The following DTNB variants were observed in gnomAD, a reference collection of about 807,000 sequenced individuals.
DTNB encodes dystrobrevin beta.
Under a neutral mutation model 90.7 loss-of-function variants are expected in DTNB, and 63 were observed. That is an observed-to-expected ratio of 0.69 (90% CI 0.57 to 0.86). The LOEUF (loss-of-function observed/expected upper bound fraction) is 0.86. DTNB is among the 40% of genes least tolerant of loss of function. The pLI, the probability that DTNB is intolerant of heterozygous loss-of-function variation, is 0.00. For synonymous variants in DTNB, 277 were observed against 286.7 expected, an observed-to-expected ratio of 0.97 and a Z score of 0.34; for missense variants, 744 against 807.1, an observed-to-expected ratio of 0.92 and a Z score of 0.95.
At chr2:25,660,565 G>A (rs967463840) in intron 1 of DTNB, among the ~76,000 whole-genome samples, 1 of 152,116 alleles carries the variant, frequency 6.6e-6, no homozygotes, top group Non-Finnish European at 1.5e-5. Flanking sequence ...ACTGTAGGTT[G>A]AATTATATGG....
intron 8 of DTNB, among the ~76,000 whole-genome samples, chr2:25,564,630 C>G (rs2058747155): frequency 6.6e-6 from 1 of 152,056 alleles, no homozygotes; most frequent in Non-Finnish European, 1.5e-5. Context: ...TCAAGTGACC[C>G]ACCCACCTGA....
chr2:25,624,052 C>T (rs1376335645), intron 4 of DTNB, among the ~76,000 whole-genome samples: 1 of 152,136 alleles, frequency 6.6e-6, no homozygotes, highest in African/African-American at 2.4e-5. Context: ...ACAGTCTATT[C>T]TCTCTAGAGC....
At chr2:25,443,368 T>A (rs573883587) in intron 12 of DTNB, among the ~76,000 whole-genome samples, 2 of 152,296 alleles carry the variant, frequency 1.3e-5, no homozygotes, top group African/African-American at 4.8e-5. Context: ...ATCATCTTAA[T>A]GAGAGGAGAC....
chr2:25,379,091 AGACAG>A (rs1356647846), intron 20 of DTNB, among the ~76,000 whole-genome samples, 194 bp downstream of exon 20: 1 of 152,198 alleles, frequency 6.6e-6, no homozygotes, highest in Non-Finnish European at 1.5e-5. Flanking sequence ...GTGCTGTGCA[AGACAG>A]GACACAGCCT....
intron 9 of DTNB, among the ~76,000 whole-genome samples, chr2:25,510,729 A>C (rs2073762543): frequency 6.6e-6 from 1 of 152,110 alleles, no homozygotes; most frequent in African/African-American, 2.4e-5. Context: ...GCTGGTCTCG[A>C]ACTCCTGACC....
chr2:25,481,364 C>T (rs964085335), intron 10 of DTNB, among the ~76,000 whole-genome samples: 1 of 150,614 alleles, frequency 6.6e-6, no homozygotes, highest in Admixed American at 6.6e-5. Context: ...AAGATTGGGC[C>T]ACTGCACTCC....
At chr2:25,485,793 T>C (rs1004118357) in intron 9 of DTNB, among the ~76,000 whole-genome samples, 1 of 151,794 alleles carries the variant, frequency 6.6e-6, no homozygotes, top group Non-Finnish European at 1.5e-5. Context: ...CTGGGGAACG[T>C]AGTGAGACCC....
chr2:25,531,863 C>T (rs1157199225), intron 8 of DTNB, among the ~76,000 whole-genome samples: 1 of 152,160 alleles, frequency 6.6e-6, no homozygotes. Flanking sequence ...CTGGACATCT[C>T]TATGTACTCT....
intron 19 of DTNB, 191 bp downstream of exon 19, chr2:25,383,644 GT>G: frequency 8.3e-7 from 1 of 1,208,586 alleles, no homozygotes; most frequent in Non-Finnish European, 1.1e-6. Flanking sequence ...GAAGCTCTTG[GT>G]GATCGACTGA....
chr2:25,377,941 CTTAGTT>C (rs1407388959), intron 20 of DTNB, among the ~76,000 whole-genome samples: 4 of 152,212 alleles, frequency 2.6e-5, no homozygotes, highest in Admixed American at 6.5e-5. Flanking sequence ...GTTTTATACT[CTTAGTT>C]TAACTCTCGG....
intron 1 of DTNB, among the ~76,000 whole-genome samples, chr2:25,672,562 C>T (rs1430861972): frequency 1.3e-5 from 2 of 152,140 alleles, no homozygotes; most frequent in African/African-American, 4.8e-5. Context: ...TTCTTTTGAC[C>T]TTTCTGCTTT....
At chr2:25,659,743 T>C (rs1041050530) in intron 1 of DTNB, among the ~76,000 whole-genome samples, 2 of 151,844 alleles carry the variant, frequency 1.3e-5, no homozygotes, top group Admixed American at 1.3e-4. Flanking sequence ...ACTAAAGAGA[T>C]TGAATTTGTA....
chr2:25,528,262 A>G (rs1331101900), intron 9 of DTNB, among the ~76,000 whole-genome samples: 1 of 152,222 alleles, frequency 6.6e-6, no homozygotes, highest in Non-Finnish European at 1.5e-5. Context: ...ATAAAAGGGA[A>G]CCTCTTAAAC....
intron 9 of DTNB, among the ~76,000 whole-genome samples, chr2:25,527,658 A>G (rs1246681389): frequency 6.6e-6 from 1 of 152,216 alleles, no homozygotes; most frequent in Non-Finnish European, 1.5e-5. Flanking sequence ...AATTGAGAGA[A>G]AATTAATAAA....
intron 12 of DTNB, among the ~76,000 whole-genome samples, chr2:25,447,815 T>C (rs2058653763): frequency 6.6e-6 from 1 of 152,084 alleles, no homozygotes; most frequent in South Asian, 2.1e-4. Context: ...GGCCTAGTTA[T>C]CTTTTATACA....
rs966570185 is a variant in DTNB, at chr2:25,596,269, G to C, written c.449-29C>G. The C allele has an allele frequency of 1.9e-5, 29 of 1,565,264 alleles. No homozygotes were observed. The East Asian group carries it at 6.6e-4, about 35-fold the overall frequency. Reference sequence around the variant, plus strand: ...TGAGAACAAAACCAAATAAAGTCAAGCTATAAGGAAATATCAGCTTTTTAT... The same window carrying C: ...TGAGAACAAAACCAAATAAAGTCAACCTATAAGGAAATATCAGCTTTTTAT... On this transcript the variant is annotated intron_variant, in intron 5 of 20. Transcript: ENST00000406818.
intron 16 of DTNB, among the ~76,000 whole-genome samples, chr2:25,417,349 T>C (rs1574089655): frequency 1.3e-5 from 2 of 152,216 alleles, no homozygotes; most frequent in Non-Finnish European, 2.9e-5. Flanking sequence ...AATGGACACG[T>C]TATTTAATCC....
At chr2:25,581,260 T>A (rs558841350) in intron 6 of DTNB, among the ~76,000 whole-genome samples, 1 of 152,282 alleles carries the variant, frequency 6.6e-6, no homozygotes, top group East Asian at 1.9e-4. Context: ...GTCTACCATA[T>A]TTCCAGCTCT....
At chr2:25,551,524 G>C (rs1488857069) in intron 8 of DTNB, among the ~76,000 whole-genome samples, 1 of 152,180 alleles carries the variant, frequency 6.6e-6, no homozygotes, top group Non-Finnish European at 1.5e-5. Flanking sequence ...CAGCTTCAGG[G>C]TCCCAGCAGT....
Sources: allele counts gnomAD v4.1 joint callset (sites outside exome capture counted in the v4.1 genomes callset), GRCh38; gene constraint gnomAD v4.1.1; transcripts MANE v1.5; gene names NCBI Gene and HGNC (gene_info 2026-07-23, HGNC 2026-07-21).